The following RAPGEF1 variants were observed in gnomAD, a reference collection of about 807,000 sequenced individuals.
RAPGEF1 encodes the protein CRK SH3-binding GNRP.
RAPGEF1 carries 33 observed loss-of-function variants against 143.3 expected under a neutral mutation model. That is an observed-to-expected ratio of 0.23 (90% CI 0.17 to 0.31). RAPGEF1 has a LOEUF of 0.31. Among genes scored for constraint, RAPGEF1 ranks in the 10% least tolerant of loss-of-function variants. The probability of loss-of-function intolerance (pLI) is 1.00; values close to 1 mark genes in which losing one functional copy is unlikely to be tolerated. For missense variants in RAPGEF1, 1,199 were observed against 1,645.4 expected (o/e 0.73, Z 4.69); for synonymous variants, 629 against 676.5 (o/e 0.93, Z 1.09).
chr9:131,700,334 A>G (rs1396036759), intron 1 of RAPGEF1, among the ~76,000 whole-genome samples: 1 of 151,988 alleles, frequency 6.6e-6, no homozygotes, highest in African/African-American at 2.4e-5. Flanking sequence ...TCTGCTCCTT[A>G]TTTCTGATCA....
chr9:131,663,766 G>T lies in RAPGEF1; in HGVS notation c.62-12817C>A, dbSNP rs577499679. On this transcript the variant is annotated intron_variant, in intron 1 of 26. Transcript: ENST00000683357. ...TAAGTTCGATCACTTGGTTAAGGTG[G>T]TATCTGCCAAATTTCTCCACTGCAA... Among the ~76,000 whole-genome samples the T allele has an allele frequency of 1.8e-4, 27 of 152,190 alleles. 2 individuals are homozygous for T. The South Asian group carries it at 5.2e-3, about 29-fold the overall frequency.
intron 22 of RAPGEF1, among the ~76,000 whole-genome samples, chr9:131,587,183 AACAC>A (rs560537370): frequency 1.6e-5 from 1 of 64,468 alleles, no homozygotes. Flanking sequence ...CTCCGTCTCA[AACAC>A]ACACACACAC....
intron 6 of RAPGEF1, 91 bp downstream of exon 6, chr9:131,630,145 T>A: frequency 3.3e-6 from 4 of 1,203,212 alleles, no homozygotes; most frequent in Non-Finnish European, 3.6e-6. Flanking sequence ...CCCACCCTCA[T>A]GCTGCCCACC....
intron 15 of RAPGEF1, among the ~76,000 whole-genome samples, chr9:131,600,120 GA>G (rs199937770): frequency 0.017 from 2,448 of 146,234 alleles, 59 homozygotes; most frequent in East Asian, 0.054. Flanking sequence ...TGTCTCAAGG[GA>G]AAAAAAAAAA....
intron 4 of RAPGEF1, among the ~76,000 whole-genome samples, 196 bp downstream of exon 4, chr9:131,643,043 C>T (rs1302224646): frequency 6.6e-6 from 1 of 152,150 alleles, no homozygotes; most frequent in Non-Finnish European, 1.5e-5. Flanking sequence ...TCCCGGGCTT[C>T]AGGAGTAATA....
Position 131,650,324 on chromosome 9 carries a change from G to T in RAPGEF1, c.202-82C>A. 1 of 1,061,842 alleles carries T rather than the reference G, an allele frequency of 9.4e-7. No individual in the cohort carries two copies. The highest frequency in any genetic ancestry group is 1.4e-6 in the Non-Finnish European group (1 of 718,710). 65.8% of individuals were successfully genotyped at this position (1,061,842 alleles called of 1,614,324 possible). A position where few individuals can be genotyped will look rare whatever the true frequency, so the allele number is the denominator to read the frequency against. ...AGGGAGGGGTTGATGAAAGTCAATA[G>T]CTGTTTCAACATATCTGGCTTGACT... On this transcript the variant is annotated intron_variant, in intron 2 of 26. Transcript: ENST00000683357. This position sits in a 1 kb window ranked among gnomAD's most constrained non-coding sequence, Gnocchi z 4.7.
At chr9:131,593,657 A>T (rs945931907) in intron 17 of RAPGEF1, among the ~76,000 whole-genome samples, 2 of 151,724 alleles carry the variant, frequency 1.3e-5, no homozygotes, top group Non-Finnish European at 2.9e-5. Flanking sequence ...AACGAGAGGA[A>T]AACCCACGCC....
At chr9:131,657,736 C>T (rs753264654) in intron 1 of RAPGEF1, among the ~76,000 whole-genome samples, 1 of 152,210 alleles carries the variant, frequency 6.6e-6, no homozygotes, top group Non-Finnish European at 1.5e-5. Context: ...GCTCGAGAAG[C>T]GGATGGATTC....
At chr9:131,689,570 G>C (rs988088679) in intron 1 of RAPGEF1, among the ~76,000 whole-genome samples, 1 of 149,944 alleles carries the variant, frequency 6.7e-6, no homozygotes, top group Admixed American at 6.6e-5. Flanking sequence ...ACGGAGTCTT[G>C]CTCTGTTGCC....
intron 1 of RAPGEF1, among the ~76,000 whole-genome samples, chr9:131,697,872 T>C (rs959430830): frequency 6.6e-6 from 1 of 152,168 alleles, no homozygotes; most frequent in African/African-American, 2.4e-5. Flanking sequence ...AGAGGGAACC[T>C]GGACTAGAGG....
chr9:131,665,160 A>G (rs980150686), intron 1 of RAPGEF1, among the ~76,000 whole-genome samples: 2 of 152,218 alleles, frequency 1.3e-5, no homozygotes, highest in African/African-American at 2.4e-5. Context: ...TGGTCTCATT[A>G]CACAACACAA....
intron 17 of RAPGEF1, among the ~76,000 whole-genome samples, chr9:131,595,723 C>A (rs1232602848): frequency 6.6e-6 from 1 of 151,928 alleles, no homozygotes; most frequent in African/African-American, 2.4e-5. Context: ...CCCAACAAGA[C>A]GTTTTAGGGA....
Position 131,626,290 on chromosome 9 carries a change from G to C in RAPGEF1, c.1334C>G (p.Pro445Arg), listed in dbSNP as rs200859564. The stretch of plus-strand genomic sequence containing the variant: ...GCCGCCAAGAGGCAGCTGGAAAGGA[G>C]GGCCAAGAAATGGAGACCCAGACTC... ...LGESGSPFLG[P>R]PFQLPLGGHP... is the part of the protein sequence containing the mutation. The change falls in exon 10 of 27, where the codon CCT becomes CGT. Residue 445 changes from proline to arginine, a missense_variant. This residue lies in a region of RAPGEF1 where 613 missense variants were observed against 710.9 expected (regional missense o/e 0.86). Coordinates refer to ENST00000683357, the MANE Select transcript of RAPGEF1 (RefSeq NM_001377935.1). The C allele has an allele frequency of 6.2e-7, 1 of 1,614,016 alleles. No homozygotes were observed. The highest frequency in any genetic ancestry group is 8.5e-7 in the Non-Finnish European group (1 of 1,179,888).
intron 12 of RAPGEF1, among the ~76,000 whole-genome samples, chr9:131,606,797 G>C (rs546011757): frequency 6.6e-6 from 1 of 152,024 alleles, no homozygotes; most frequent in East Asian, 1.9e-4. Flanking sequence ...CTCACTTTTT[G>C]ATTTTTTTGT....
intron 18 of RAPGEF1, among the ~76,000 whole-genome samples, 173 bp downstream of exon 18, chr9:131,591,926 C>G (rs948914588): frequency 6.6e-6 from 1 of 152,186 alleles, no homozygotes; most frequent in African/African-American, 2.4e-5. Flanking sequence ...AGCTGGAATG[C>G]GGGAGGGTAG....
At position 131,628,684 on chromosome 9, in the gene RAPGEF1, C is replaced by G. The variant is rs375943224; in HGVS notation, c.894-12G>C. The stretch of plus-strand genomic sequence containing the variant: ...ATGCTGGTGGAGGACTGAAACAGAC[C>G]GAAACGTCCAGGCAGACCAAACCAC... On this transcript the variant is annotated splice_polypyrimidine_tract_variant and intron_variant, in intron 7 of 26. Coordinates refer to ENST00000683357, the MANE Select transcript of RAPGEF1 (RefSeq NM_001377935.1). The surrounding 1 kb of genome is among the most constrained non-coding windows in gnomAD (Gnocchi z 5.7). 3.8e-6 allele frequency: 6 copies of G among 1,591,880 alleles called. No individual in the cohort carries two copies. Among genetic ancestry groups the G allele is most frequent in the Admixed American group, 1.7e-5 (1 of 58,644 alleles).
Position 131,626,135 on chromosome 9 carries a change from G to A in RAPGEF1, c.1489C>T (p.Arg497Trp), listed in dbSNP as rs376173506. 2.9e-5 allele frequency: 47 copies of A among 1,613,812 alleles called. No homozygotes were observed. The highest frequency in any genetic ancestry group is 3.8e-5 in the Non-Finnish European group (45 of 1,179,866). Residue 497 changes from arginine (R) to tryptophan (W), a missense_variant, in exon 10 of 27, where the codon CGG (arginine) becomes TGG (tryptophan). Around this residue, in one of 6 missense-constraint regions of RAPGEF1, gnomAD observed 613 missense variants for 710.9 expected, o/e 0.86. Coordinates refer to ENST00000683357, the MANE Select transcript of RAPGEF1 (RefSeq NM_001377935.1). ...ATGTTGTCATACTGCGAGGGATGCC[G>A]CTCGTAGGACACCCTGCAGCCAGAG... Reference protein sequence around the residue: ...DGSGCRVSYERHPSQYDNISG... With the variant: ...DGSGCRVSYEWHPSQYDNISG...
chr9:131,738,503 C>T (rs4740180), intron 1 of RAPGEF1, among the ~76,000 whole-genome samples: 23,506 of 152,008 alleles, frequency 0.15, 2,876 homozygotes, highest in African/African-American at 0.33. Flanking sequence ...TGAACCCAAG[C>T]GCCCTGCCCC....
intron 1 of RAPGEF1, among the ~76,000 whole-genome samples, chr9:131,680,585 A>C (rs555727166): frequency 1.5e-3 from 227 of 152,362 alleles, no homozygotes; most frequent in African/African-American, 5.3e-3. Flanking sequence ...AGCATGAGAG[A>C]TCTGTGCCTT....
Sources: gnomAD v4.1 joint callset for allele counts (sites outside exome capture counted in the v4.1 genomes callset) on GRCh38, gnomAD v4.1.1 for gene constraint, gnomAD v4.1.1 regional missense constraint, Gnocchi (gnomAD v3.1) non-coding constraint, MANE v1.5 for transcripts, NCBI Gene and HGNC (gene_info 2026-07-23, HGNC 2026-07-21) for gene names.